IGSF10: variants seen among roughly 807,000 people sequenced by gnomAD.
IGSF10 encodes the protein immunoglobulin superfamily member 10.
A neutral mutation model predicts 128.2 loss-of-function variants in IGSF10; 126 were observed. That is an observed-to-expected ratio of 0.98 (90% CI 0.85 to 1.14). The LOEUF (loss-of-function observed/expected upper bound fraction) is 1.14. IGSF10 is among the 50% of genes most tolerant of loss of function. The pLI is 0.00. For missense variants in IGSF10, 3,295 were observed against 3,149.8 expected (o/e 1.05, Z -1.10); for synonymous variants, 1,185 against 1,146.2 (o/e 1.03, Z -0.68).
At chr3:151,525,002 CTTTTTTTTTTTTTTTTTTTTTT>C in the IGSF10 span, among the ~76,000 whole-genome samples, 416 of 49,746 alleles carry the variant, frequency 8.4e-3, 4 homozygotes, top group African/African-American at 0.032. Context: ...TGCATTACAC[CTTTTTTTTTTTTTTTTTTTTTT>C]TTTTTTTTTT....
chr3:151,453,690 C>T lies in IGSF10; in HGVS notation c.409G>A (p.Asp137Asn), dbSNP rs369785806. The T allele has an allele frequency of 4.3e-6, 7 of 1,612,246 alleles. No homozygotes were observed. The African/African-American group carries it at 9.4e-5, about 22-fold the overall frequency. The change falls in exon 5 of 8, where the codon GAC becomes AAC. Residue 137 changes from aspartate (D) to asparagine (N), a missense_variant. Physicochemically the swap from Asp to Asn is conservative, Grantham distance 23 (BLOSUM62 1). Coordinates refer to ENST00000282466, the MANE Select transcript of IGSF10 (RefSeq NM_178822.5). ...TTTATAAACTCAATATTGTTGTGGTCCATGTGCAATCGTGTCAAGCTCCTG... is the reference window on the plus strand; with the variant it reads ...TTTATAAACTCAATATTGTTGTGGTTCATGTGCAATCGTGTCAAGCTCCTG... ...GLRSLTRLHMDHNNIEFINPE... is the reference protein window; with the variant it reads ...GLRSLTRLHMNHNNIEFINPE...
the IGSF10 span, among the ~76,000 whole-genome samples, chr3:151,509,691 G>A: frequency 2.6e-5 from 4 of 152,240 alleles, no homozygotes; most frequent in African/African-American, 7.2e-5. Flanking sequence ...CGCCTCACCC[G>A]GGAAGTGCAA....
chr3:151,483,821 C>T, the IGSF10 span, among the ~76,000 whole-genome samples: 7 of 152,304 alleles, frequency 4.6e-5, no homozygotes, highest in Middle Eastern at 6.8e-3. Context: ...CAGGAGATTC[C>T]CTCCAGTTCC....
the IGSF10 span, among the ~76,000 whole-genome samples, chr3:151,535,203 G>A: frequency 6.6e-6 from 1 of 152,056 alleles, no homozygotes. Flanking sequence ...TCCTAGTAGA[G>A]GTATTATAAT....
chr3:151,617,816 C>T, the IGSF10 span, among the ~76,000 whole-genome samples: 2 of 151,952 alleles, frequency 1.3e-5, no homozygotes, highest in East Asian at 3.9e-4. Context: ...GGGTTCTGCC[C>T]TCATGAATGG....
At chr3:151,517,399 G>C in the IGSF10 span, among the ~76,000 whole-genome samples, 3 of 152,002 alleles carry the variant, frequency 2.0e-5, no homozygotes, top group Admixed American at 6.6e-5. Context: ...GGCCAAGGAG[G>C]GTACTCCAAA....
intron 7 of IGSF10, among the ~76,000 whole-genome samples, chr3:151,439,542 AGGCTGGGGTT>A (rs560115363): frequency 3.4e-3 from 502 of 146,116 alleles, no homozygotes; most frequent in African/African-American, 0.012. Context: ...TGAACCCAGG[AGGCTGGGGTT>A]GCAGTGAGCC....
At chr3:151,548,085 A>C in the IGSF10 span, among the ~76,000 whole-genome samples, 1 of 152,160 alleles carries the variant, frequency 6.6e-6, no homozygotes, top group South Asian at 2.1e-4. Flanking sequence ...ATTTGCTTAT[A>C]TCCAACACAT....
intron 7 of IGSF10, among the ~76,000 whole-genome samples, chr3:151,441,207 A>T (rs1720829532): frequency 6.6e-6 from 1 of 152,246 alleles, no homozygotes; most frequent in African/African-American, 2.4e-5. Flanking sequence ...AGATTGTGAC[A>T]TATAACAGAC....
the IGSF10 span, among the ~76,000 whole-genome samples, chr3:151,597,822 C>G: frequency 6.6e-6 from 1 of 151,850 alleles, no homozygotes; most frequent in African/African-American, 2.4e-5. Flanking sequence ...GAGGCTGAGG[C>G]AGAAGAATCC....
At chr3:151,598,261 G>C in the IGSF10 span, among the ~76,000 whole-genome samples, 1 of 152,166 alleles carries the variant, frequency 6.6e-6, no homozygotes, top group African/African-American at 2.4e-5. Context: ...ACATCTGTAT[G>C]AGCAAATTCT....
In IGSF10 at chr3:151,448,435, T is replaced by TAC; in HGVS notation, c.1544_1545dup (p.Lys516ValfsTer3). The TAC allele has an allele frequency of 6.2e-7, 1 of 1,614,260 alleles. No homozygotes were observed. Among genetic ancestry groups the TAC allele is most frequent in the Non-Finnish European group, 8.5e-7 (1 of 1,180,044 alleles). The stretch of plus-strand genomic sequence containing the variant: ...TCACTGACATAAGGGGCTCTCACTT[T>TAC]ACTTCCATCAGCTAGAAGCCAATCC... On this transcript the variant is annotated frameshift_variant, in exon 6 of 8. Transcript: ENST00000282466. LOFTEE classifies it high-confidence loss of function.
the IGSF10 span, among the ~76,000 whole-genome samples, chr3:151,503,827 G>T: frequency 3.9e-5 from 6 of 152,072 alleles, no homozygotes; most frequent in African/African-American, 1.4e-4. Flanking sequence ...GGGGAGTGCT[G>T]CTTGGTTAGA....
the IGSF10 span, among the ~76,000 whole-genome samples, chr3:151,529,547 G>A: frequency 4.6e-5 from 7 of 152,242 alleles, no homozygotes; most frequent in African/African-American, 1.2e-4. Context: ...AGCCTCTGCC[G>A]GTGATACCTA....
chr3:151,527,674 G>T, the IGSF10 span, among the ~76,000 whole-genome samples: 6 of 152,182 alleles, frequency 3.9e-5, no homozygotes, highest in African/African-American at 1.4e-4. Flanking sequence ...TCTGGGCCAG[G>T]TGTAGTGGCT....
At chr3:151,477,890 G>A in the IGSF10 span, among the ~76,000 whole-genome samples, 73,329 of 152,014 alleles carry the variant, frequency 0.48, 18,161 homozygotes, top group African/African-American at 0.59. Context: ...GTAAACAAGT[G>A]AGCATGGCTA....
chr3:151,457,802 G>T (rs1378558554), intron 3 of IGSF10, among the ~76,000 whole-genome samples: 1 of 152,200 alleles, frequency 6.6e-6, no homozygotes, highest in Non-Finnish European at 1.5e-5. Flanking sequence ...ATTAGTGACT[G>T]TCTCTAAAAC....
At chr3:151,482,380 TACCACTAATCTTG>T in the IGSF10 span, among the ~76,000 whole-genome samples, 1 of 152,200 alleles carries the variant, frequency 6.6e-6, no homozygotes, top group African/African-American at 2.4e-5. Flanking sequence ...CCAACACCAC[TACCACTAATCTTG>T]GAGCTGAAGA....
the IGSF10 span, among the ~76,000 whole-genome samples, chr3:151,500,531 T>C: frequency 1.3e-5 from 2 of 152,150 alleles, no homozygotes; most frequent in South Asian, 2.1e-4. Context: ...GGAATAGTAA[T>C]GGCCAGACAT....
Sources: allele counts gnomAD v4.1 joint callset (sites outside exome capture counted in the v4.1 genomes callset), GRCh38; gene constraint gnomAD v4.1.1; transcripts MANE v1.5; gene names NCBI Gene and HGNC (gene_info 2026-07-23, HGNC 2026-07-21).